Variants in KCNN2 observed in about 807,000 individuals in gnomAD.
The protein encoded by KCNN2 is potassium calcium-activated channel subfamily N member 2.
KCNN2 carries 24 observed loss-of-function variants against 55.5 expected under a neutral mutation model. That is an observed-to-expected ratio of 0.43 (90% confidence interval 0.31 to 0.61). The LOEUF (loss-of-function observed/expected upper bound fraction) is 0.61. KCNN2 is among the 20% of genes least tolerant of loss of function. The pLI, the probability that KCNN2 is intolerant of heterozygous loss-of-function variation, is 0.08. For missense variants in KCNN2, 754 were observed against 853.6 expected (o/e 0.88, Z 1.45); for synonymous variants, 431 against 336.1 (o/e 1.28, Z -3.09).
chr5:114,488,925 G>C (rs896235875), intron 6 of KCNN2: 1 of 152,178 alleles, frequency 6.6e-6, no homozygotes, highest in Non-Finnish European at 1.5e-5. Context: ...CAGGGTGGAA[G>C]GGTATGAGAT....
chr5:114,415,307 G>A (rs1380541653), intron 3 of KCNN2, among the ~76,000 whole-genome samples: 1 of 152,186 alleles, frequency 6.6e-6, no homozygotes, highest in African/African-American at 2.4e-5. Context: ...GGATGAACTT[G>A]TTTTTCTCCT....
intron 3 of KCNN2, among the ~76,000 whole-genome samples, chr5:114,453,226 C>A (rs1319034731): frequency 6.6e-6 from 1 of 152,160 alleles, no homozygotes; most frequent in African/African-American, 2.4e-5. Flanking sequence ...GCTTTGTGGG[C>A]AAGCCAAGGA....
At chr5:114,328,445 C>T (rs879427419) in intron 2 of KCNN2, among the ~76,000 whole-genome samples, 3 of 152,122 alleles carry the variant, frequency 2.0e-5, no homozygotes, top group Non-Finnish European at 4.4e-5. Context: ...ACTCATCTTC[C>T]TACCTTCCTA....
intron 2 of KCNN2, among the ~76,000 whole-genome samples, chr5:114,249,157 A>G (rs1754807804): frequency 1.3e-5 from 2 of 152,138 alleles, no homozygotes; most frequent in African/African-American, 4.8e-5. Context: ...AGTTCTGCTG[A>G]TGATTCAATG....
chr5:114,325,419 G>A (rs1756695809), intron 2 of KCNN2, among the ~76,000 whole-genome samples: 1 of 152,192 alleles, frequency 6.6e-6, no homozygotes, highest in Non-Finnish European at 1.5e-5. Context: ...GCATCCATTA[G>A]AGAAAAAGCT....
intron 2 of KCNN2, among the ~76,000 whole-genome samples, chr5:114,367,958 T>C (rs1236772088): frequency 3.3e-5 from 5 of 152,168 alleles, no homozygotes; most frequent in Non-Finnish European, 7.4e-5. Context: ...TGATATACTT[T>C]GAATTGGAAA....
intron 1 of KCNN2, among the ~76,000 whole-genome samples, chr5:114,128,722 T>A (rs2112608108): frequency 6.6e-6 from 1 of 152,274 alleles, no homozygotes; most frequent in Non-Finnish European, 1.5e-5. Context: ...AACACTAAAT[T>A]AGTCTGGATT....
intron 2 of KCNN2, among the ~76,000 whole-genome samples, chr5:114,335,574 C>G (rs899155566): frequency 6.6e-6 from 1 of 152,134 alleles, no homozygotes; most frequent in Non-Finnish European, 1.5e-5. Context: ...GTGGTACATA[C>G]TCCACATACC....
At chr5:114,285,201 G>T (rs1025648471) in intron 2 of KCNN2, among the ~76,000 whole-genome samples, 21 of 146,664 alleles carry the variant, frequency 1.4e-4, no homozygotes, top group African/African-American at 4.8e-4. Context: ...GGAAAATGGT[G>T]TGAACCCAGG....
chr5:114,068,423 C>T lies in KCNN2; in HGVS notation c.-271+11923C>T, dbSNP rs548894046. On this transcript the variant is annotated intron_variant, in intron 1 of 10. Transcript: ENST00000512097. ...ACATGGTCTGTAGTTGTACCAGCCCCTGTTTATTCACTATTTCAGATCAGC... is the reference window on the plus strand; with the variant it reads ...ACATGGTCTGTAGTTGTACCAGCCCTTGTTTATTCACTATTTCAGATCAGC... 1.0e-3 allele frequency among the ~76,000 whole-genome samples: 156 copies of T among 152,320 alleles called. 1 individual carries two copies. Among genetic ancestry groups the T allele is most frequent in the African/African-American group, 3.6e-3 (150 of 41,578 alleles).
intron 2 of KCNN2, among the ~76,000 whole-genome samples, chr5:114,383,250 G>A (rs150442089): frequency 9.6e-4 from 146 of 152,244 alleles, no homozygotes; most frequent in African/African-American, 3.3e-3. Flanking sequence ...TGTAGTCTGT[G>A]TGTGTAGACC....
intron 2 of KCNN2, among the ~76,000 whole-genome samples, chr5:114,227,500 A>G (rs1411015149): frequency 5.3e-5 from 8 of 152,128 alleles, no homozygotes; most frequent in Admixed American, 5.2e-4. Flanking sequence ...AGTTGCCCAT[A>G]CAACTTGTTT....
chr5:114,199,279 T>C (rs1753621118), intron 1 of KCNN2, among the ~76,000 whole-genome samples: 1 of 152,146 alleles, frequency 6.6e-6, no homozygotes, highest in Non-Finnish European at 1.5e-5. Flanking sequence ...GTAATGTCTT[T>C]TTCTATCCAT....
At chr5:114,289,448 C>T (rs914544671) in intron 2 of KCNN2, among the ~76,000 whole-genome samples, 2 of 150,578 alleles carry the variant, frequency 1.3e-5, no homozygotes, top group East Asian at 2.0e-4. Context: ...AATCTCTCTG[C>T]TCACTGTTAC....
intron 3 of KCNN2, 26 bp downstream of exon 3, chr5:114,404,882 C>T (rs1758883634): frequency 6.4e-7 from 1 of 1,570,318 alleles, no homozygotes. Flanking sequence ...TTCCTGAGAA[C>T]ATAATTTACC....
intron 2 of KCNN2, among the ~76,000 whole-genome samples, chr5:114,386,616 A>G (rs1221510177): frequency 6.6e-6 from 1 of 152,238 alleles, no homozygotes; most frequent in African/African-American, 2.4e-5. Flanking sequence ...TTAATGTGAT[A>G]CAAAAATACA....
chr5:114,145,616 G>GGACAGAAGAC (rs1752382503), intron 1 of KCNN2, among the ~76,000 whole-genome samples: 1 of 152,094 alleles, frequency 6.6e-6, no homozygotes, highest in Non-Finnish European at 1.5e-5. Flanking sequence ...ATATTGAAAG[G>GGACAGAAGAC]GGTTCCGTCT....
At chr5:114,211,998 AT>A (rs1427916969) in intron 1 of KCNN2, among the ~76,000 whole-genome samples, 10 of 151,178 alleles carry the variant, frequency 6.6e-5, no homozygotes, top group African/African-American at 1.7e-4. Context: ...AATATTATAT[AT>A]TTTATTATAT....
intron 1 of KCNN2, among the ~76,000 whole-genome samples, chr5:114,118,718 C>T (rs1751768968): frequency 6.6e-6 from 1 of 152,050 alleles, no homozygotes; most frequent in South Asian, 2.1e-4. Context: ...TTCTTGGCAT[C>T]CTGTGGCCCA....
Sources: allele counts gnomAD v4.1 joint callset (sites outside exome capture counted in the v4.1 genomes callset), GRCh38; gene constraint gnomAD v4.1.1; transcripts MANE v1.5; gene names NCBI Gene and HGNC (gene_info 2026-07-23, HGNC 2026-07-21).